ITGAV: variants seen among roughly 807,000 people sequenced by gnomAD.
ITGAV encodes the protein integrin subunit alpha V, also known as integrin alpha-V.
ITGAV carries 76 observed loss-of-function variants against 143.8 expected under a neutral mutation model. The ratio of observed to expected loss-of-function variants is 0.53; its 90% confidence interval spans 0.44 to 0.64. The LOEUF (loss-of-function observed/expected upper bound fraction) is 0.64, where lower values mean the gene tolerates loss of function less well. Ranked by LOEUF, ITGAV falls within the 30% of genes least tolerant of loss-of-function variation. ITGAV has a pLI of 0.00. For missense variants in ITGAV, 1,193 were observed against 1,274.7 expected (o/e 0.94, Z 0.98); for synonymous variants, 453 against 446.7 (o/e 1.01, Z -0.18).
chr2:186,626,669 G>A (rs1207954592), intron 4 of ITGAV, among the ~76,000 whole-genome samples: 1 of 152,112 alleles, frequency 6.6e-6, no homozygotes, highest in Non-Finnish European at 1.5e-5. Context: ...TATTTTCTTA[G>A]CCCAACACTT....
At chr2:186,601,824 A>G (rs1397069673) in intron 1 of ITGAV, among the ~76,000 whole-genome samples, 197 bp from the exon 2 acceptor site, 8 of 152,236 alleles carry the variant, frequency 5.3e-5, no homozygotes, top group African/African-American at 1.9e-4. Context: ...TTATCAGGAA[A>G]AATAAACTAT....
intron 23 of ITGAV, 101 bp from the exon 24 acceptor site, chr2:186,667,564 TTAAATC>T: frequency 1.8e-6 from 1 of 547,892 alleles, no homozygotes; most frequent in African/African-American, 1.9e-5. Flanking sequence ...TTTTTTAAAA[TTAAATC>T]TAATTTTATT....
chr2:186,599,142 A>T (rs1045830061), intron 1 of ITGAV, among the ~76,000 whole-genome samples: 2 of 152,262 alleles, frequency 1.3e-5, no homozygotes, highest in Non-Finnish European at 2.9e-5. Flanking sequence ...TAAGTGACTT[A>T]GTATTTAATG....
chr2:186,671,860 A>G (rs1222686845), intron 26 of ITGAV, among the ~76,000 whole-genome samples: 4 of 151,774 alleles, frequency 2.6e-5, no homozygotes, highest in Non-Finnish European at 5.9e-5. Context: ...TACATATAGT[A>G]TCATACAACA....
At position 186,638,390 on chromosome 2, in the gene ITGAV, T is replaced by C; in HGVS notation, c.847-19T>C. On this transcript the variant is annotated intron_variant, in intron 9 of 29. Coordinates refer to ENST00000261023, the MANE Select transcript of ITGAV (RefSeq NM_002210.5). ...TTCTATTTTACCAGATTTCACATAC[T>C]TCTATTTTTCCTTCACAGGTTTATA... 1 of 1,608,978 alleles carries C rather than the reference T, an allele frequency of 6.2e-7. No individual in the cohort carries two copies. The highest frequency in any genetic ancestry group is 8.5e-7 in the Non-Finnish European group (1 of 1,175,550).
In ITGAV at chr2:186,590,532, C is replaced by A; in HGVS notation, c.185+9C>A. 1 of 1,609,386 alleles carries A rather than the reference C, an allele frequency of 6.2e-7. No individual in the cohort carries two copies. Among genetic ancestry groups the A allele is most frequent in the Non-Finnish European group, 8.5e-7 (1 of 1,178,326 alleles). The stretch of plus-strand genomic sequence containing the variant: ...GTGCCCAGCGCGTCTTCGTAAGTGG[C>A]CGCACTTGGAACTGGAGCCGGCCCC... On this transcript the variant is annotated intron_variant, in intron 1 of 29. Transcript: ENST00000261023.
chr2:186,603,421 T>C (rs1452912478), intron 2 of ITGAV, among the ~76,000 whole-genome samples: 3 of 152,190 alleles, frequency 2.0e-5, no homozygotes, highest in African/African-American at 7.2e-5. Context: ...AAGCCAGCTG[T>C]TAATGGGAAC....
chr2:186,641,235 A>T, intron 11 of ITGAV, 151 bp from the exon 12 acceptor site: 2 of 641,968 alleles, frequency 3.1e-6, no homozygotes, highest in South Asian at 4.1e-5. Context: ...GGAAGTTTCA[A>T]ATTTGAAATG....
intron 15 of ITGAV, among the ~76,000 whole-genome samples, chr2:186,654,243 G>A (rs1478329457): frequency 6.6e-6 from 1 of 151,350 alleles, no homozygotes; most frequent in Admixed American, 6.6e-5. Context: ...TGAGGCAGGA[G>A]AATTGCTTGA....
rs1428014440 is a variant in ITGAV at position 186,669,773 on chromosome 2, A to G, written c.2665A>G (p.Lys889Glu). Residue 889 changes from lysine to glutamate, a missense_variant, in exon 26 of 30, where the codon AAG becomes GAG. Transcript: ENST00000261023. ...AGGTGAGCGGGACCATCTCATCACT[A>G]AGCGGGATCTTGCCCTCAGTGAAGG... The part of the protein sequence containing the change: ...GQGERDHLIT[K>E]RDLALSEGDI... 2 of 1,614,112 alleles carry G rather than the reference A, an allele frequency of 1.2e-6. No homozygotes were observed. Among genetic ancestry groups the G allele is most frequent in the Non-Finnish European group, 1.7e-6 (2 of 1,179,970 alleles).
chr2:186,652,659 G>T (rs943224149), intron 15 of ITGAV, among the ~76,000 whole-genome samples: 5 of 152,064 alleles, frequency 3.3e-5, no homozygotes, highest in Admixed American at 2.6e-4. Flanking sequence ...TAAGATCTCA[G>T]TTCATTTATA....
intron 7 of ITGAV, among the ~76,000 whole-genome samples, chr2:186,636,748 C>G (rs1687955426): frequency 6.6e-6 from 1 of 152,142 alleles, no homozygotes; most frequent in African/African-American, 2.4e-5. Context: ...TCATATATGA[C>G]AGAAATAGTA....
At chr2:186,659,745 A>T (rs1275540345) in intron 18 of ITGAV, among the ~76,000 whole-genome samples, 1 of 149,064 alleles carries the variant, frequency 6.7e-6, no homozygotes, top group Admixed American at 6.7e-5. Flanking sequence ...AATTTAGTTT[A>T]TCATTTTTTT....
At chr2:186,674,696 G>A (rs1195642147) in intron 26 of ITGAV, among the ~76,000 whole-genome samples, 1 of 151,982 alleles carries the variant, frequency 6.6e-6, no homozygotes. Flanking sequence ...ATTTTGAGTA[G>A]AGATGGCATT....
intron 4 of ITGAV, among the ~76,000 whole-genome samples, chr2:186,628,541 A>G (rs139127969): frequency 3.7e-4 from 56 of 152,250 alleles, no homozygotes; most frequent in Admixed American, 1.1e-3. Context: ...ACTTGGGGAA[A>G]TTAAGTAACT....
chr2:186,648,280 A>G (rs1688317104), intron 13 of ITGAV, among the ~76,000 whole-genome samples: 1 of 152,178 alleles, frequency 6.6e-6, no homozygotes, highest in Non-Finnish European at 1.5e-5. Flanking sequence ...TTATTAATAC[A>G]CATGGTCAAG....
At chr2:186,605,390 A>G (rs936201692) in intron 2 of ITGAV, among the ~76,000 whole-genome samples, 2 of 152,186 alleles carry the variant, frequency 1.3e-5, no homozygotes, top group South Asian at 4.1e-4. Flanking sequence ...CTGCTTCACC[A>G]TCATTTTGAG....
Position 186,641,435 on chromosome 2 carries a change from G to C in ITGAV, c.1006G>C (p.Asp336His). Residue 336 changes from aspartate to histidine, a missense_variant, in exon 12 of 30, where the codon GAT becomes CAT. By Grantham distance (81) the Asp-to-His change is moderately conservative. Coordinates refer to ENST00000261023, the MANE Select transcript of ITGAV (RefSeq NM_002210.5). Reference sequence around the variant, plus strand: ...ACCTCTCTTCATGGATCGTGGCTCTGATGGCAAACTCCAAGAGGTGGGGCA... The same window carrying C: ...ACCTCTCTTCATGGATCGTGGCTCTCATGGCAAACTCCAAGAGGTGGGGCA... ...GAPLFMDRGS[D>H]GKLQEVGQVS... 6.2e-7 allele frequency: 1 copy of C among 1,614,196 alleles called. No homozygotes were observed.
At chr2:186,601,248 TA>T (rs567565717) in intron 1 of ITGAV, among the ~76,000 whole-genome samples, 110 of 151,536 alleles carry the variant, frequency 7.3e-4, no homozygotes, top group African/African-American at 2.5e-3. Context: ...AGTCAACTAT[TA>T]AAAAAAATTA....
Sources: allele counts gnomAD v4.1 joint callset (sites outside exome capture counted in the v4.1 genomes callset), GRCh38; gene constraint gnomAD v4.1.1; transcripts MANE v1.5; gene names NCBI Gene and HGNC (gene_info 2026-07-23, HGNC 2026-07-21).